LEKR1: variants seen among roughly 807,000 people sequenced by gnomAD.
The protein encoded by LEKR1 is leucine, glutamate and lysine rich 1.
In LEKR1, 59 loss-of-function variants were observed where a neutral mutation model predicts 72.4. The observed-to-expected ratio is 0.82, with a 90% CI of 0.66 to 1.01. The LOEUF (loss-of-function observed/expected upper bound fraction) is 1.01, where lower values mean the gene tolerates loss of function less well. Ranked by LOEUF, LEKR1 falls within the 50% of genes least tolerant of loss-of-function variation. The pLI is 0.00. For missense variants in LEKR1, 728 were observed against 759.2 expected, an observed-to-expected ratio of 0.96 and a Z score of 0.48; for synonymous variants, 257 against 263.2, an observed-to-expected ratio of 0.98 and a Z score of 0.23.
At chr3:156,967,354 G>T (rs1430631778) in intron 6 of LEKR1, among the ~76,000 whole-genome samples, 1 of 152,068 alleles carries the variant, frequency 6.6e-6, no homozygotes, top group Non-Finnish European at 1.5e-5. Context: ...TCGAACCCAT[G>T]GCAAAGAAGT....
At chr3:157,004,275 C>T (rs1732240032) in intron 9 of LEKR1, among the ~76,000 whole-genome samples, 1 of 151,970 alleles carries the variant, frequency 6.6e-6, no homozygotes, top group Non-Finnish European at 1.5e-5. Context: ...ATCAGGAGGA[C>T]ATAACACTTC....
Position 156,927,420 on chromosome 3 carries a change from A to C in LEKR1, c.384-9A>C. The C allele has an allele frequency of 1.0e-6, 1 of 961,988 alleles. No homozygotes were observed. The highest frequency in any genetic ancestry group is 1.3e-6 in the Non-Finnish European group (1 of 776,526). The allele number at this position is 961,988 out of a possible 1,614,324, so 59.6% of individuals were successfully genotyped here. On this transcript the variant is annotated splice_polypyrimidine_tract_variant and intron_variant, in intron 4 of 12. Coordinates refer to ENST00000356539, the MANE Select transcript of LEKR1 (RefSeq NM_001004316.3). ...TTTTAAAATCCTATTTTTTTTTTTTACTTTGCAGTCAAAGATTGTCAGAGT... is the reference window on the plus strand; with the variant it reads ...TTTTAAAATCCTATTTTTTTTTTTTCCTTTGCAGTCAAAGATTGTCAGAGT...
intron 6 of LEKR1, among the ~76,000 whole-genome samples, chr3:156,970,985 A>G (rs1397574834): frequency 1.3e-5 from 2 of 151,738 alleles, no homozygotes; most frequent in Non-Finnish European, 2.9e-5. Flanking sequence ...ATTGGAAAAA[A>G]CTACTTTAAA....
chr3:156,852,537 A>G (rs1212904248), intron 2 of LEKR1, among the ~76,000 whole-genome samples: 2 of 152,142 alleles, frequency 1.3e-5, no homozygotes, highest in South Asian at 2.1e-4. Flanking sequence ...TAGAGATACC[A>G]TGGAGAAACA....
At chr3:156,977,440 C>G (rs888760571) in intron 6 of LEKR1, 20 of 502,720 alleles carry the variant, frequency 4.0e-5, no homozygotes, top group South Asian at 1.7e-4. Context: ...TGTCACCCCC[C>G]CTTAATGAAC....
chr3:156,916,337 AATTGC>A (rs1723647014), intron 3 of LEKR1, among the ~76,000 whole-genome samples: 1 of 151,782 alleles, frequency 6.6e-6, no homozygotes, highest in Non-Finnish European at 1.5e-5. Context: ...TGAATCTCTA[AATTGC>A]TTTGGGTGGT....
intron 6 of LEKR1, among the ~76,000 whole-genome samples, chr3:156,978,077 T>C (rs552915733): frequency 6.6e-6 from 1 of 152,270 alleles, no homozygotes; most frequent in East Asian, 1.9e-4. Context: ...TTCTTAGAGA[T>C]AGATAAAGTT....
intron 7 of LEKR1, among the ~76,000 whole-genome samples, chr3:156,990,950 T>TG (rs1731100274): frequency 6.6e-6 from 1 of 152,176 alleles, no homozygotes. Context: ...GATGGCTTCA[T>TG]GGGAATATAC....
chr3:156,898,021 A>G (rs1721377109), intron 3 of LEKR1, among the ~76,000 whole-genome samples: 1 of 152,046 alleles, frequency 6.6e-6, no homozygotes, highest in African/African-American at 2.4e-5. Flanking sequence ...CTGCCTTTAG[A>G]GACAATAGGT....
chr3:156,968,127 A>G (rs944810761), intron 6 of LEKR1, among the ~76,000 whole-genome samples: 50 of 152,192 alleles, frequency 3.3e-4, no homozygotes, highest in Non-Finnish European at 6.8e-4. Context: ...TGAAGGAAGC[A>G]CTAAACATGG....
At chr3:157,030,356 A>T (rs964220578) in intron 12 of LEKR1, among the ~76,000 whole-genome samples, 2 of 152,190 alleles carry the variant, frequency 1.3e-5, no homozygotes, top group Admixed American at 6.5e-5. Context: ...ATACCCCATA[A>T]CAGCATCTAT....
intron 2 of LEKR1, among the ~76,000 whole-genome samples, chr3:156,849,358 A>G (rs1199739176): frequency 1.3e-5 from 2 of 152,224 alleles, no homozygotes; most frequent in Admixed American, 1.3e-4. Context: ...ATTCAATGCC[A>G]TCCCCATCAA....
At chr3:156,889,750 C>T (rs919880288) in intron 3 of LEKR1, among the ~76,000 whole-genome samples, 2 of 152,104 alleles carry the variant, frequency 1.3e-5, no homozygotes, top group African/African-American at 4.8e-5. Context: ...ATGTCATTCC[C>T]CACTCCTCAA....
At chr3:156,937,037 G>T (rs1725777771) in intron 5 of LEKR1, among the ~76,000 whole-genome samples, 1 of 152,050 alleles carries the variant, frequency 6.6e-6, no homozygotes, top group Non-Finnish European at 1.5e-5. Flanking sequence ...AGCTACTCAG[G>T]ACGCTGAGGT....
chr3:156,846,096 T>C (rs1322856125), intron 2 of LEKR1, among the ~76,000 whole-genome samples: 1 of 152,166 alleles, frequency 6.6e-6, no homozygotes, highest in African/African-American at 2.4e-5. Context: ...TATATGTATG[T>C]ATTGTATTTT....
At chr3:156,898,859 C>A (rs975918663) in intron 3 of LEKR1, among the ~76,000 whole-genome samples, 1 of 152,122 alleles carries the variant, frequency 6.6e-6, no homozygotes, top group East Asian at 1.9e-4. Flanking sequence ...GGATGAAGTT[C>A]TTTTATCTGA....
intron 3 of LEKR1, among the ~76,000 whole-genome samples, chr3:156,899,688 A>G (rs182668921): frequency 7.3e-5 from 10 of 137,422 alleles, no homozygotes; most frequent in African/African-American, 2.7e-4. Flanking sequence ...ACGCATATAT[A>G]CACATATATA....
chr3:156,841,791 A>C (rs1713939099), intron 2 of LEKR1, among the ~76,000 whole-genome samples: 1 of 152,146 alleles, frequency 6.6e-6, no homozygotes, highest in Non-Finnish European at 1.5e-5. Flanking sequence ...ATTTCACTTA[A>C]TTTCCTAGTG....
intron 7 of LEKR1, chr3:156,980,136 G>T (rs1321692029): frequency 6.6e-6 from 1 of 151,996 alleles, no homozygotes; most frequent in Non-Finnish European, 1.5e-5. Flanking sequence ...AAAGTAAGTA[G>T]ATTCTTTTAC....
Sources: allele counts gnomAD v4.1 joint callset (sites outside exome capture counted in the v4.1 genomes callset), GRCh38; gene constraint gnomAD v4.1.1; transcripts MANE v1.5; gene names NCBI Gene and HGNC (gene_info 2026-07-23, HGNC 2026-07-21).